Variants in TACC2 observed in about 807,000 individuals in gnomAD.
TACC2 encodes transforming acidic coiled-coil containing protein 2, also known as transforming acidic coiled-coil-containing protein 2.
In TACC2, 137 loss-of-function variants were observed where a neutral mutation model predicts 227.3. The observed-to-expected ratio is 0.60, with a 90% CI of 0.52 to 0.69. The LOEUF (loss-of-function observed/expected upper bound fraction) is 0.69. Among genes scored for constraint, TACC2 ranks in the 30% least tolerant of loss-of-function variants. TACC2 has a pLI of 0.00. For synonymous variants in TACC2, 1,523 were observed against 1,487.5 expected (o/e 1.02, Z -0.55); for missense variants, 3,470 against 3,694.4 (o/e 0.94, Z 1.57).
chr10:122,118,926 T>G (rs1487483137), intron 5 of TACC2, among the ~76,000 whole-genome samples: 2 of 152,236 alleles, frequency 1.3e-5, no homozygotes, highest in Non-Finnish European at 1.5e-5. Context: ...GAACCCATAC[T>G]GTGTATTGAG....
chr10:122,104,804 A>G (rs969099235), intron 5 of TACC2, among the ~76,000 whole-genome samples: 2 of 152,246 alleles, frequency 1.3e-5, no homozygotes, highest in African/African-American at 2.4e-5. Context: ...TAACGTGGTA[A>G]CACTGACTTA....
intron 7 of TACC2, among the ~76,000 whole-genome samples, chr10:122,187,003 G>A (rs188686483): frequency 8.1e-4 from 124 of 152,222 alleles, no homozygotes; most frequent in East Asian, 3.7e-3. Context: ...GTTACAAATC[G>A]GTGAAATCAT....
At chr10:122,229,193 A>G (rs1214302568) in intron 14 of TACC2, among the ~76,000 whole-genome samples, 153 bp from the exon 15 acceptor site, 1 of 152,094 alleles carries the variant, frequency 6.6e-6, no homozygotes, top group Non-Finnish European at 1.5e-5. Flanking sequence ...ATTAGTCTAG[A>G]TGAAACCACA....
intron 1 of TACC2, among the ~76,000 whole-genome samples, chr10:121,990,128 T>C (rs1320684146): frequency 1.3e-5 from 2 of 152,110 alleles, no homozygotes; most frequent in Non-Finnish European, 2.9e-5. Flanking sequence ...ATTTTTTTTT[T>C]TAGACAGGGT....
intron 7 of TACC2, among the ~76,000 whole-genome samples, chr10:122,178,774 G>A (rs555414376): frequency 1.3e-5 from 2 of 152,258 alleles, no homozygotes; most frequent in South Asian, 2.1e-4. Flanking sequence ...CCAGCTACTC[G>A]GAGGCTGAGG....
intron 3 of TACC2, among the ~76,000 whole-genome samples, chr10:122,054,967 C>G (rs1414466824): frequency 6.6e-6 from 1 of 152,126 alleles, no homozygotes; most frequent in Non-Finnish European, 1.5e-5. Flanking sequence ...CGTCTGTAAT[C>G]CCAGCACTGT....
intron 5 of TACC2, among the ~76,000 whole-genome samples, chr10:122,116,901 CT>C (rs1176023152): frequency 1.1e-3 from 156 of 145,174 alleles, no homozygotes; most frequent in East Asian, 9.9e-4. Flanking sequence ...TCCTTTCTTT[CT>C]TTTTTTTTTT....
chr10:122,248,614 A>T, intron 19 of TACC2, 29 bp from the exon 20 acceptor site: 1 of 1,611,846 alleles, frequency 6.2e-7, no homozygotes, highest in Admixed American at 1.7e-5. Context: ...TCTGGGCTCC[A>T]TCATTTGGCT....
intron 1 of TACC2, among the ~76,000 whole-genome samples, chr10:122,021,164 AG>A (rs1478516579): frequency 1.7e-4 from 26 of 149,000 alleles, no homozygotes; most frequent in Non-Finnish European, 3.7e-4. Flanking sequence ...AGGAGGTGGA[AG>A]TTGCAGTGAG....
chr10:122,229,351 T>A lies in TACC2; in HGVS notation c.7902T>A (p.Ala2634=), dbSNP rs1291974723. 6.2e-7 allele frequency: 1 copy of A among 1,614,024 alleles called. No homozygotes were observed. The highest frequency in any genetic ancestry group is 1.3e-5 in the African/African-American group (1 of 75,006). The change falls in exon 15 of 23, where the codon GCT becomes GCA. Residue 2634 remains alanine, a synonymous_variant. Transcript: ENST00000369005. ...TCCTCTCTGCCGGCTTTCAGACAGC[T>A]CCCGAGGGCTCCTTTGCCTCTGCTG... ...GTPSEAIEIT[A]PEGSFASADA...
intron 7 of TACC2, among the ~76,000 whole-genome samples, chr10:122,151,042 G>T (rs1462982349): frequency 6.6e-6 from 1 of 152,152 alleles, no homozygotes; most frequent in African/African-American, 2.4e-5. Flanking sequence ...CCTCTTGGGG[G>T]TTATTGTGAG....
At position 121,999,972 on chromosome 10, in the gene TACC2, C is replaced by T. The variant is rs145083948; in HGVS notation, c.-46+10484C>T. 1.8e-3 allele frequency among the ~76,000 whole-genome samples: 278 copies of T among 152,284 alleles called. 1 individual carries two copies. The highest frequency in any genetic ancestry group is 0.011 in the South Asian group (55 of 4,822). On this transcript the variant is annotated intron_variant, in intron 1 of 22. Coordinates refer to ENST00000369005, the MANE Select transcript of TACC2 (RefSeq NM_206862.4). ...AGTAGTGGTCAGACACGTGGTCCTA[C>T]GGATCAAACCAGTACAGATGCAAGA...
intron 3 of TACC2, among the ~76,000 whole-genome samples, chr10:122,057,008 C>G (rs1046642923): frequency 6.6e-6 from 1 of 151,936 alleles, no homozygotes; most frequent in African/African-American, 2.4e-5. Context: ...CCTAGTCAAC[C>G]TGGTGAAACT....
chr10:122,087,675 T>C lies in TACC2; in HGVS notation c.5175T>C (p.Pro1725=), dbSNP rs1309919536. Residue 1725 remains proline (P), a synonymous_variant, in exon 4 of 23, where the codon CCT becomes CCC. Coordinates refer to ENST00000369005, the MANE Select transcript of TACC2 (RefSeq NM_206862.4). ...ETQACASGDL[P]EAGTTRTFSV... ...AGGCATGTGCGTCCGGTGATCTGCCTGAAGCAGGTACTACGAGGACATTCT... is the reference window on the plus strand; with the variant it reads ...AGGCATGTGCGTCCGGTGATCTGCCCGAAGCAGGTACTACGAGGACATTCT... 6.2e-7 allele frequency: 1 copy of C among 1,613,212 alleles called. No homozygotes were observed. Among genetic ancestry groups the C allele is most frequent in the African/African-American group, 1.3e-5 (1 of 74,920 alleles).
chr10:122,058,555 C>T (rs189975299), intron 3 of TACC2, among the ~76,000 whole-genome samples: 10 of 152,150 alleles, frequency 6.6e-5, no homozygotes, highest in Non-Finnish European at 1.0e-4. Context: ...ACTACAGGTG[C>T]GAAGCACCAT....
At chr10:122,171,970 C>T (rs1260958816) in intron 7 of TACC2, among the ~76,000 whole-genome samples, 1 of 152,174 alleles carries the variant, frequency 6.6e-6, no homozygotes, top group Admixed American at 6.5e-5. Flanking sequence ...TGGGTGTTTA[C>T]TGTGTTCAGC....
intron 2 of TACC2, among the ~76,000 whole-genome samples, chr10:122,028,919 T>TCCCC (rs1958525911): frequency 6.8e-5 from 2 of 29,530 alleles, no homozygotes; most frequent in African/African-American, 3.0e-4. Context: ...TCCCCTTCCC[T>TCCCC]TCCCTTCCCT....
At chr10:122,035,033 G>T (rs2461210) in intron 2 of TACC2, among the ~76,000 whole-genome samples, 24,524 of 152,082 alleles carry the variant, frequency 0.16, 2,766 homozygotes, top group African/African-American at 0.31. Context: ...GAAGGACAAG[G>T]AACTTGCTCA....
intron 5 of TACC2, among the ~76,000 whole-genome samples, chr10:122,131,177 CAAAAAAAAAAAAA>C (rs10572276): frequency 3.1e-5 from 3 of 95,306 alleles, no homozygotes; most frequent in Admixed American, 2.3e-4. Flanking sequence ...GACGCTTTCT[CAAAAAAAAAAAAA>C]AAAAAAAAAA....
Sources: gnomAD v4.1 joint callset for allele counts (sites outside exome capture counted in the v4.1 genomes callset) on GRCh38, gnomAD v4.1.1 for gene constraint, MANE v1.5 for transcripts, NCBI Gene and HGNC (gene_info 2026-07-23, HGNC 2026-07-21) for gene names.